AGMO: variants seen among roughly 807,000 people sequenced by gnomAD.
AGMO encodes the protein glyceryl-ether monooxygenase.
In AGMO, 75 loss-of-function variants were observed where a neutral mutation model predicts 60.2. The ratio of observed to expected loss-of-function variants is 1.25; its 90% CI spans 1.03 to 1.51. The LOEUF is 1.51. AGMO is among the 40% of genes most tolerant of loss of function. AGMO has a pLI of 0.00. For missense variants in AGMO, 763 were observed against 525.5 expected (o/e 1.45, Z -4.42); for synonymous variants, 261 against 177.1 (o/e 1.47, Z -3.76).
chr7:15,201,058 G>A lies in AGMO; in HGVS notation c.*227C>T. 2 of 354,804 alleles carry A rather than the reference G, an allele frequency of 5.6e-6. No individual in the cohort carries two copies. Among genetic ancestry groups the A allele is most frequent in the Non-Finnish European group, 1.0e-5 (2 of 199,054 alleles). 22.0% of individuals were successfully genotyped at this position (354,804 alleles called of 1,614,324 possible). On this transcript the variant is annotated 3_prime_UTR_variant, in exon 13 of 13. Coordinates refer to ENST00000342526, the MANE Select transcript of AGMO (RefSeq NM_001004320.2). The stretch of plus-strand genomic sequence containing the variant: ...CAGTTAATATAACATCATTATATTT[G>A]AAATCTTTTTTTAATTGTAGTAAAG...
intron 12 of AGMO, among the ~76,000 whole-genome samples, chr7:15,347,170 T>C (rs1289651604): frequency 6.6e-6 from 1 of 152,056 alleles, no homozygotes. Flanking sequence ...CCAATGTTAC[T>C]GTCTTTTTGT....
intron 12 of AGMO, among the ~76,000 whole-genome samples, chr7:15,353,912 G>A (rs996849989): frequency 6.6e-6 from 1 of 152,088 alleles, no homozygotes; most frequent in Non-Finnish European, 1.5e-5. Context: ...AAACTATCAT[G>A]TATTATTCTC....
At chr7:15,326,892 T>C (rs2128542485) in intron 12 of AGMO, among the ~76,000 whole-genome samples, 1 of 152,310 alleles carries the variant, frequency 6.6e-6, no homozygotes, top group East Asian at 1.9e-4. Flanking sequence ...TTGGAAAAGA[T>C]TACCAAACTA....
chr7:15,517,838 G>A (rs181411269), intron 3 of AGMO, among the ~76,000 whole-genome samples: 438 of 152,156 alleles, frequency 2.9e-3, no homozygotes, highest in African/African-American at 0.01. Context: ...CACTTCCCTG[G>A]AAAGGGAGCT....
At chr7:15,465,354 C>G (rs1309774561) in intron 3 of AGMO, among the ~76,000 whole-genome samples, 2 of 149,890 alleles carry the variant, frequency 1.3e-5, no homozygotes, top group Non-Finnish European at 3.0e-5. Flanking sequence ...TGTATATACA[C>G]ACGCACACAC....
chr7:15,144,297 T>C, the AGMO span, among the ~76,000 whole-genome samples: 1 of 152,198 alleles, frequency 6.6e-6, no homozygotes, highest in Non-Finnish European at 1.5e-5. Flanking sequence ...GGTCTGACTT[T>C]TTCAATAGCA....
intron 12 of AGMO, among the ~76,000 whole-genome samples, chr7:15,238,668 T>C (rs1782497948): frequency 6.6e-6 from 1 of 151,828 alleles, no homozygotes; most frequent in South Asian, 2.1e-4. Context: ...TTAAAATTAT[T>C]ATATGTGGAA....
chr7:15,151,601 G>A, the AGMO span, among the ~76,000 whole-genome samples: 6 of 152,088 alleles, frequency 3.9e-5, no homozygotes, highest in Non-Finnish European at 7.4e-5. Context: ...TAATTTCCAT[G>A]TAATTGTATG....
chr7:15,534,879 G>C (rs1784452188), intron 3 of AGMO, among the ~76,000 whole-genome samples: 1 of 151,632 alleles, frequency 6.6e-6, no homozygotes, highest in Admixed American at 6.6e-5. Flanking sequence ...ATTATTTAGA[G>C]AAAACATAGT....
chr7:15,414,497 CAA>C (rs1338633904), intron 5 of AGMO, among the ~76,000 whole-genome samples: 1 of 151,030 alleles, frequency 6.6e-6, no homozygotes, highest in Non-Finnish European at 1.5e-5. Flanking sequence ...CACACACACA[CAA>C]AGAGAGGGAG....
the AGMO span, among the ~76,000 whole-genome samples, chr7:15,176,463 A>G: frequency 1.3e-5 from 2 of 152,008 alleles, no homozygotes; most frequent in Non-Finnish European, 2.9e-5. Context: ...GGGTGCAGAC[A>G]GGAAGTTTTA....
At chr7:15,232,189 A>G (rs1457891220) in intron 12 of AGMO, among the ~76,000 whole-genome samples, 1 of 152,122 alleles carries the variant, frequency 6.6e-6, no homozygotes, top group East Asian at 1.9e-4. Flanking sequence ...GCTCTACATT[A>G]TCCATTTGCT....
intron 3 of AGMO, among the ~76,000 whole-genome samples, chr7:15,537,128 C>T (rs1784502745): frequency 6.6e-6 from 1 of 152,068 alleles, no homozygotes; most frequent in South Asian, 2.1e-4. Flanking sequence ...CCATTTGAAA[C>T]ATCCCTAAAC....
At chr7:15,167,516 C>T in the AGMO span, among the ~76,000 whole-genome samples, 3 of 152,098 alleles carry the variant, frequency 2.0e-5, no homozygotes, top group African/African-American at 7.2e-5. Flanking sequence ...ATTACAACCT[C>T]CAAACACTAA....
At chr7:15,409,226 A>G (rs1784778949) in intron 5 of AGMO, among the ~76,000 whole-genome samples, 1 of 151,984 alleles carries the variant, frequency 6.6e-6, no homozygotes, top group Non-Finnish European at 1.5e-5. Flanking sequence ...AATGTGGCTA[A>G]AGTATGCACA....
chr7:15,198,448 T>C (rs1781192096), downstream of AGMO, among the ~76,000 whole-genome samples: 1 of 152,188 alleles, frequency 6.6e-6, no homozygotes, highest in South Asian at 2.1e-4. Context: ...CCTTGGTTAA[T>C]AATGCACAGA....
At chr7:15,374,734 A>G (rs1300713493) in intron 10 of AGMO, among the ~76,000 whole-genome samples, 1 of 152,136 alleles carries the variant, frequency 6.6e-6, no homozygotes, top group Non-Finnish European at 1.5e-5. Flanking sequence ...TTTCTAGGTT[A>G]CAATACAGAG....
chr7:15,211,021 A>T (rs1781573776), intron 12 of AGMO, among the ~76,000 whole-genome samples: 1 of 151,986 alleles, frequency 6.6e-6, no homozygotes, highest in Admixed American at 6.6e-5. Context: ...ACACATTGCA[A>T]TTACCATAAC....
chr7:15,498,478 T>C lies in AGMO; in HGVS notation c.409+46294A>G, dbSNP rs1346568291. ...CTTTTCCATGCTAACGTTTCTGCAGTTTGTTACAGATGAAAAATAGTTTCA... is the reference window on the plus strand; with the variant it reads ...CTTTTCCATGCTAACGTTTCTGCAGCTTGTTACAGATGAAAAATAGTTTCA... On this transcript the variant is annotated intron_variant, in intron 3 of 12. Transcript: ENST00000342526. Among the ~76,000 whole-genome samples, 3 of 152,096 alleles carry C rather than the reference T, an allele frequency of 2.0e-5. No homozygotes were observed. In the East Asian group the frequency reaches 5.8e-4, roughly 29 times the overall value.
Sources: gnomAD v4.1 joint callset for allele counts (sites outside exome capture counted in the v4.1 genomes callset) on GRCh38, gnomAD v4.1.1 for gene constraint, MANE v1.5 for transcripts, NCBI Gene and HGNC (gene_info 2026-07-23, HGNC 2026-07-21) for gene names.